Variants in PIK3R6 observed in about 807,000 individuals in gnomAD.
The protein encoded by PIK3R6 is phosphoinositide-3-kinase regulatory subunit 6, also known as phosphoinositide 3-kinase regulatory subunit 6.
In PIK3R6, 91 loss-of-function variants were observed where a neutral mutation model predicts 84.9. The observed-to-expected ratio is 1.07, with a 90% CI of 0.90 to 1.28. The LOEUF is 1.28. PIK3R6 is among the 50% of genes most tolerant of loss of function. The pLI, the probability that PIK3R6 is intolerant of heterozygous loss-of-function variation, is 0.00. For synonymous variants in PIK3R6, 416 were observed against 411.4 expected (o/e 1.01, Z -0.13); for missense variants, 996 against 985.1 (o/e 1.01, Z -0.15).
intron 9 of PIK3R6, among the ~76,000 whole-genome samples, chr17:8,830,463 G>T (rs949208014): frequency 2.0e-5 from 3 of 152,080 alleles, no homozygotes; most frequent in Non-Finnish European, 2.9e-5. Flanking sequence ...CCGTATTCCC[G>T]TTTCACTTCT....
At chr17:8,831,145 CA>C (rs35954175) in intron 9 of PIK3R6, among the ~76,000 whole-genome samples, 13,453 of 42,102 alleles carry the variant, frequency 0.32, 1,037 homozygotes, top group Non-Finnish European at 0.35. Flanking sequence ...GATTGTGTCT[CA>C]AAAAAAAAAA....
intron 5 of PIK3R6, among the ~76,000 whole-genome samples, chr17:8,837,134 C>T (rs753983331): frequency 2.0e-5 from 3 of 152,114 alleles, no homozygotes; most frequent in African/African-American, 4.8e-5. Flanking sequence ...ATCCATTTGT[C>T]GCCCCGCCCC....
intron 18 of PIK3R6, among the ~76,000 whole-genome samples, chr17:8,817,953 CT>C (rs113784374): frequency 0.022 from 3,289 of 149,398 alleles, 122 homozygotes; most frequent in African/African-American, 0.074. Context: ...TGGAAAAGAC[CT>C]GAGCATGTGT....
chr17:8,828,626 T>C lies in PIK3R6; in HGVS notation c.1254A>G (p.Val418=), dbSNP rs140947985. The change falls in exon 11 of 20, where the codon GTA becomes GTG. Residue 418 remains valine (V), a synonymous_variant. Coordinates refer to ENST00000619866, the MANE Select transcript of PIK3R6 (RefSeq NM_001010855.4). The part of the protein sequence containing the change: ...PGVSRLHTAR[V]LVLGDDRMLG... ...GCATCCTGTCATCTCCGAGCACAAG[T>C]ACCCGGGCTGTGTGCAGCCGGGACA... The C allele has an allele frequency of 0.023, 36,786 of 1,613,376 alleles. 559 individuals are homozygous for C. The highest frequency in any genetic ancestry group is 0.025 in the Non-Finnish European group (29,512 of 1,179,682).
intron 18 of PIK3R6, 96 bp downstream of exon 18, chr17:8,818,987 C>A (rs2087630291): frequency 2.3e-6 from 2 of 869,590 alleles, no homozygotes; most frequent in Non-Finnish European, 3.5e-6. Flanking sequence ...GCTGGGAAGT[C>A]AGTTCCCTTC....
intron 2 of PIK3R6, 50 bp downstream of exon 2, chr17:8,849,732 C>T (rs771534237): frequency 2.5e-5 from 39 of 1,576,362 alleles, no homozygotes; most frequent in Middle Eastern, 1.7e-4. Flanking sequence ...GAAGGGCCTT[C>T]CCCACTCGGC....
At chr17:8,863,718 A>T (rs2089335620) in intron 1 of PIK3R6, among the ~76,000 whole-genome samples, 1 of 152,148 alleles carries the variant, frequency 6.6e-6, no homozygotes, top group Non-Finnish European at 1.5e-5. Flanking sequence ...GTATTTTAGT[A>T]GAGATGGGGT....
intron 2 of PIK3R6, among the ~76,000 whole-genome samples, chr17:8,846,402 C>T (rs964436452): frequency 6.6e-6 from 1 of 152,084 alleles, no homozygotes; most frequent in Non-Finnish European, 1.5e-5. Context: ...GTGATGCCTC[C>T]AGCTTGGTTC....
intron 2 of PIK3R6, among the ~76,000 whole-genome samples, chr17:8,843,094 G>C (rs2088726360): frequency 6.6e-6 from 1 of 152,120 alleles, no homozygotes; most frequent in Admixed American, 6.5e-5. Context: ...CTGCCCACCT[G>C]GTCCCTCTGC....
chr17:8,807,830 G>T (rs540553815), intron 18 of PIK3R6, among the ~76,000 whole-genome samples: 47 of 152,270 alleles, frequency 3.1e-4, no homozygotes, highest in African/African-American at 1.1e-3. Flanking sequence ...GAATAACATG[G>T]GCAGGAAGGT....
rs911566347 is a variant in PIK3R6, at chr17:8,846,351, T to C, written c.13+3431A>G. On this transcript the variant is annotated intron_variant, in intron 2 of 19. Coordinates refer to ENST00000619866, the MANE Select transcript of PIK3R6 (RefSeq NM_001010855.4). Reference sequence around the variant, plus strand: ...TTTTTATACTAGTACCATGCTGTTTTTGTTACTGTAGCCTTGTAGTAGAGT... The same window carrying C: ...TTTTTATACTAGTACCATGCTGTTTCTGTTACTGTAGCCTTGTAGTAGAGT... Among the ~76,000 whole-genome samples, 10 of 152,344 alleles carry C rather than the reference T, an allele frequency of 6.6e-5. 1 individual carries two copies. Among genetic ancestry groups the C allele is most frequent in the African/African-American group, 2.4e-4 (10 of 41,578 alleles).
chr17:8,840,829 T>C (rs1020535947), intron 2 of PIK3R6, among the ~76,000 whole-genome samples: 2 of 151,972 alleles, frequency 1.3e-5, no homozygotes, highest in East Asian at 3.9e-4. Context: ...CTTGGCTCAC[T>C]GCAATCTCCG....
intron 12 of PIK3R6, 149 bp from the exon 13 acceptor site, chr17:8,827,443 T>C: frequency 1.0e-6 from 1 of 997,064 alleles, no homozygotes; most frequent in Non-Finnish European, 1.4e-6. Context: ...CGTTGTTCTG[T>C]TTTATAAACT....
chr17:8,855,812 G>T (rs771263091), intron 1 of PIK3R6, among the ~76,000 whole-genome samples: 1 of 152,204 alleles, frequency 6.6e-6, no homozygotes, highest in Non-Finnish European at 1.5e-5. Flanking sequence ...CTTACTGTAT[G>T]ATCCCGTAAT....
intron 1 of PIK3R6, among the ~76,000 whole-genome samples, chr17:8,851,298 T>C (rs571814175): frequency 2.1e-4 from 32 of 151,880 alleles, no homozygotes; most frequent in Non-Finnish European, 4.3e-4. Context: ...GAGATGGAGA[T>C]CATCCTGGCT....
chr17:8,851,155 C>CTAA (rs1175643566), intron 1 of PIK3R6, among the ~76,000 whole-genome samples: 13 of 150,966 alleles, frequency 8.6e-5, no homozygotes, highest in African/African-American at 2.2e-4. Flanking sequence ...ACTTCACACC[C>CTAA]ATTGGAATGA....
intron 9 of PIK3R6, among the ~76,000 whole-genome samples, chr17:8,830,519 G>A (rs917419115): frequency 6.6e-6 from 1 of 152,160 alleles, no homozygotes; most frequent in Non-Finnish European, 1.5e-5. Context: ...CTTCTTAGGG[G>A]AGAGCAGCTA....
chr17:8,834,880 C>T (rs2088399138), intron 8 of PIK3R6, among the ~76,000 whole-genome samples: 1 of 152,046 alleles, frequency 6.6e-6, no homozygotes, highest in Non-Finnish European at 1.5e-5. Context: ...CTCTGTCACC[C>T]AGGCTGGAGT....
At chr17:8,813,915 A>G (rs9894196) in intron 18 of PIK3R6, among the ~76,000 whole-genome samples, 4 of 152,238 alleles carry the variant, frequency 2.6e-5, no homozygotes, top group Admixed American at 6.5e-5. Flanking sequence ...AGCAGTCAGA[A>G]AAGAGAAAGA....
Sources: allele counts gnomAD v4.1 joint callset (sites outside exome capture counted in the v4.1 genomes callset), GRCh38; gene constraint gnomAD v4.1.1; transcripts MANE v1.5; gene names NCBI Gene and HGNC (gene_info 2026-07-23, HGNC 2026-07-21).